Variants in ERBB4 observed in about 807,000 individuals in gnomAD.
ERBB4 encodes receptor tyrosine-protein kinase erbB-4.
In ERBB4, 42 loss-of-function variants were observed where a neutral mutation model predicts 158.0. The ratio of observed to expected loss-of-function variants is 0.27; its 90% confidence interval spans 0.21 to 0.34. ERBB4 has a LOEUF of 0.34. Among genes scored for constraint, ERBB4 ranks in the 10% least tolerant of loss-of-function variants. ERBB4 has a pLI of 1.00. For missense variants in ERBB4, 1,333 were observed against 1,624.1 expected, an observed-to-expected ratio of 0.82 and a Z score of 3.08; for synonymous variants, 583 against 558.7, an observed-to-expected ratio of 1.04 and a Z score of -0.61.
At chr2:211,658,517 T>A (rs2071304499) in intron 15 of ERBB4, among the ~76,000 whole-genome samples, 1 of 152,162 alleles carries the variant, frequency 6.6e-6, no homozygotes, top group Admixed American at 6.5e-5. Flanking sequence ...CTTTACATAA[T>A]CACATTATTC....
At chr2:211,706,221 T>C (rs971767479) in intron 9 of ERBB4, among the ~76,000 whole-genome samples, 1 of 152,212 alleles carries the variant, frequency 6.6e-6, no homozygotes, top group Non-Finnish European at 1.5e-5. Context: ...ACAGTGATCT[T>C]AGGCTTTTTT....
rs1467029451 is a variant in ERBB4, at chr2:211,473,488, G to C, written c.2488-42388C>G. ...AAATAAATCTTCTTTGAATTTCTTA[G>C]TGCTCCTGTAAAAAGGGCCAGCTTT... On this transcript the variant is annotated intron_variant, in intron 20 of 27. Transcript: ENST00000342788. 2.0e-5 allele frequency among the ~76,000 whole-genome samples: 3 copies of C among 152,068 alleles called. No individual in the cohort carries two copies. The South Asian group carries it at 6.2e-4, about 32-fold the overall frequency.
intron 2 of ERBB4, among the ~76,000 whole-genome samples, chr2:212,120,271 T>C (rs142107419): frequency 4.6e-5 from 7 of 152,326 alleles, no homozygotes; most frequent in Admixed American, 3.3e-4. Context: ...AAGAACCTAA[T>C]AGAGAAACTG....
intron 19 of ERBB4, among the ~76,000 whole-genome samples, chr2:211,584,882 T>A (rs2125779432): frequency 1.3e-5 from 2 of 152,168 alleles, no homozygotes; most frequent in East Asian, 3.9e-4. Context: ...GATCCATTTA[T>A]AATTTTCTTT....
At chr2:212,428,676 T>A (rs2105931248) in intron 1 of ERBB4, among the ~76,000 whole-genome samples, 1 of 152,250 alleles carries the variant, frequency 6.6e-6, no homozygotes, top group Middle Eastern at 3.4e-3. Context: ...TGTGTTCTTA[T>A]CACAATAAAA....
chr2:212,473,342 A>G (rs1689209988), intron 1 of ERBB4, among the ~76,000 whole-genome samples: 3 of 152,174 alleles, frequency 2.0e-5, no homozygotes. Flanking sequence ...GGCACATAAA[A>G]AGAGGTTTCC....
chr2:211,593,038 G>A (rs866407836), intron 19 of ERBB4, among the ~76,000 whole-genome samples: 20 of 149,732 alleles, frequency 1.3e-4, no homozygotes, highest in Admixed American at 6.0e-4. Context: ...GGGCCCTTCT[G>A]CACACTGAAG....
chr2:212,358,474 G>C (rs1327842476), intron 1 of ERBB4, among the ~76,000 whole-genome samples: 1 of 151,664 alleles, frequency 6.6e-6, no homozygotes, highest in African/African-American at 2.4e-5. Context: ...AATAGCTGAA[G>C]ATTATAAATG....
intron 1 of ERBB4, among the ~76,000 whole-genome samples, chr2:212,159,289 A>G (rs2081135235): frequency 6.6e-6 from 1 of 150,492 alleles, no homozygotes; most frequent in Non-Finnish European, 1.5e-5. Flanking sequence ...TTGGATAGAA[A>G]CAGATAGCTA....
At chr2:212,424,608 G>C (rs1421923281) in intron 1 of ERBB4, among the ~76,000 whole-genome samples, 1 of 152,052 alleles carries the variant, frequency 6.6e-6, no homozygotes, top group Non-Finnish European at 1.5e-5. Context: ...AACAAATCAA[G>C]TTGATGTCTT....
intron 1 of ERBB4, among the ~76,000 whole-genome samples, chr2:212,378,736 A>C (rs1265375576): frequency 6.6e-6 from 1 of 151,838 alleles, no homozygotes; most frequent in East Asian, 1.9e-4. Flanking sequence ...AGTGCTGTAC[A>C]TTTATACTAA....
intron 3 of ERBB4, among the ~76,000 whole-genome samples, chr2:211,907,503 T>C (rs979707504): frequency 6.6e-6 from 1 of 151,120 alleles, no homozygotes; most frequent in African/African-American, 2.4e-5. Context: ...AAACCCAGAG[T>C]TGAAAGTGAT....
At chr2:211,660,115 A>C (rs1031587645) in intron 15 of ERBB4, among the ~76,000 whole-genome samples, 6 of 152,234 alleles carry the variant, frequency 3.9e-5, no homozygotes, top group Non-Finnish European at 7.3e-5. Flanking sequence ...AGAGGGGAAA[A>C]AAGAAGTTAG....
At chr2:212,412,642 C>A (rs74868653) in intron 1 of ERBB4, among the ~76,000 whole-genome samples, 5 of 152,262 alleles carry the variant, frequency 3.3e-5, no homozygotes, top group African/African-American at 1.2e-4. Flanking sequence ...CAAGAACAGC[C>A]TAACACCAAC....
chr2:212,128,176 G>T (rs1209996179), intron 1 of ERBB4, among the ~76,000 whole-genome samples: 1 of 152,066 alleles, frequency 6.6e-6, no homozygotes, highest in African/African-American at 2.4e-5. Context: ...AGAGTGATAC[G>T]GATGGATGCT....
chr2:212,014,378 A>G (rs1348026706), intron 2 of ERBB4, among the ~76,000 whole-genome samples: 1 of 152,206 alleles, frequency 6.6e-6, no homozygotes, highest in Non-Finnish European at 1.5e-5. Flanking sequence ...GCTTTAAAGT[A>G]AAACTATTCA....
intron 2 of ERBB4, among the ~76,000 whole-genome samples, chr2:211,995,151 T>C (rs1686019663): frequency 6.6e-6 from 1 of 152,218 alleles, no homozygotes; most frequent in South Asian, 2.1e-4. Context: ...AGGCACTTAA[T>C]GTCAGATCAG....
In ERBB4 at chr2:212,021,031, G is replaced by T. The variant is rs2076637842; in HGVS notation, c.235-73415C>A. ...ACAGATCCATATACTTTACATTGAT[G>T]AATCTAGTTTTAGAATATAAAAATA... On this transcript the variant is annotated intron_variant, in intron 2 of 27. Transcript: ENST00000342788. Among the ~76,000 whole-genome samples, 2 of 152,038 alleles carry T rather than the reference G, an allele frequency of 1.3e-5. 1 individual carries two copies. Among genetic ancestry groups the T allele is most frequent in the South Asian group, 4.1e-4 (2 of 4,826 alleles).
At chr2:211,763,864 C>T (rs539892036) in intron 4 of ERBB4, among the ~76,000 whole-genome samples, 1 of 147,970 alleles carries the variant, frequency 6.8e-6, no homozygotes, top group South Asian at 2.1e-4. Flanking sequence ...AAGGGACTTG[C>T]TGTTAAAACA....
Sources: allele counts gnomAD v4.1 joint callset (sites outside exome capture counted in the v4.1 genomes callset), GRCh38; gene constraint gnomAD v4.1.1; transcripts MANE v1.5; gene names NCBI Gene and HGNC (gene_info 2026-07-23, HGNC 2026-07-21).